CECR2: variants seen among roughly 807,000 people sequenced by gnomAD.
CECR2 encodes chromatin remodeling regulator CECR2.
CECR2 carries 30 observed loss-of-function variants against 154.5 expected under a neutral mutation model. That is an observed-to-expected ratio of 0.19 (90% CI 0.15 to 0.26). The LOEUF (loss-of-function observed/expected upper bound fraction) is 0.26, where lower values mean the gene tolerates loss of function less well. Among genes scored for constraint, CECR2 ranks in the 10% least tolerant of loss-of-function variants. The probability of loss-of-function intolerance (pLI) is 1.00; values close to 1 mark genes in which losing one functional copy is unlikely to be tolerated. For missense variants in CECR2, 1,743 were observed against 1,829.3 expected (o/e 0.95, Z 0.86); for synonymous variants, 725 against 683.7 (o/e 1.06, Z -0.94).
intron 9 of CECR2, among the ~76,000 whole-genome samples, chr22:17,534,242 G>A (rs1227124453): frequency 6.6e-6 from 1 of 152,046 alleles, no homozygotes; most frequent in African/African-American, 2.4e-5. Flanking sequence ...GGGAGGATCC[G>A]TTATGCACAG....
Position 17,477,414 on chromosome 22 carries a change from G to A in CECR2, c.127-174G>A, listed in dbSNP as rs1412037939. Among the ~76,000 whole-genome samples the A allele has an allele frequency of 7.9e-5, 12 of 152,282 alleles. No individual in the cohort carries two copies. The East Asian group carries it at 2.1e-3, about 27-fold the overall frequency. On this transcript the variant is annotated intron_variant, in intron 1 of 18. Transcript: ENST00000262608. ...TAAAACCCTGGGAAAAAGAAAACGCGGAATCCGGTTGCTCTTCTCACAGTA... is the reference window on the plus strand; with the variant it reads ...TAAAACCCTGGGAAAAAGAAAACGCAGAATCCGGTTGCTCTTCTCACAGTA...
intron 3 of CECR2, 43 bp downstream of exon 3, chr22:17,497,629 C>A: frequency 6.3e-7 from 1 of 1,589,106 alleles, no homozygotes; most frequent in Non-Finnish European, 8.6e-7. Flanking sequence ...TGTGAAAAGC[C>A]AGCAATCAGA....
chr22:17,510,936 T>C (rs1341680912), intron 7 of CECR2, among the ~76,000 whole-genome samples: 1 of 152,212 alleles, frequency 6.6e-6, no homozygotes, highest in Non-Finnish European at 1.5e-5. Flanking sequence ...AGTTGCTGAC[T>C]CACTAAATGT....
intron 1 of CECR2, among the ~76,000 whole-genome samples, chr22:17,420,328 C>T (rs79994834): frequency 0.01 from 1,576 of 152,160 alleles, 25 homozygotes; most frequent in African/African-American, 0.036. Context: ...ACGGATTATC[C>T]CCAGACCCTT....
chr22:17,364,065 C>T (rs1248540536), intron 1 of CECR2, among the ~76,000 whole-genome samples: 7 of 151,820 alleles, frequency 4.6e-5, no homozygotes, highest in Admixed American at 1.3e-4. Context: ...GCCATACTCC[C>T]GGGCGCGGTG....
At chr22:17,429,092 C>T (rs1287935012) in intron 1 of CECR2, among the ~76,000 whole-genome samples, 2 of 151,488 alleles carry the variant, frequency 1.3e-5, no homozygotes, top group South Asian at 2.1e-4. Flanking sequence ...TGCATGGAGG[C>T]GTAAAAGAAG....
rs1377180289 is a variant in CECR2, at chr22:17,495,584, C to A, written c.222-1819C>A. Among the ~76,000 whole-genome samples the A allele has an allele frequency of 2.9e-3, 187 of 64,518 alleles. 1 individual carries two copies. In the Middle Eastern group the frequency reaches 0.1, roughly 36 times the overall value. 42.3% of individuals were successfully genotyped at this position (64,518 alleles called of 152,430 possible). On this transcript the variant is annotated intron_variant, in intron 2 of 18. Coordinates refer to ENST00000262608, the MANE Select transcript of CECR2 (RefSeq NM_001290047.2). ...AACTCCATTAAAAAAAAAAAAAAAACGGGTGTGGTGGCTCACGCCTGTAAT... is the reference window on the plus strand; with the variant it reads ...AACTCCATTAAAAAAAAAAAAAAAAAGGGTGTGGTGGCTCACGCCTGTAAT...
At chr22:17,544,356 A>G (rs1310955769) in intron 16 of CECR2, among the ~76,000 whole-genome samples, 1 of 151,672 alleles carries the variant, frequency 6.6e-6, no homozygotes, top group Non-Finnish European at 1.5e-5. Context: ...AAATTAGCCG[A>G]GCGTGGTGGC....
At chr22:17,404,524 C>G (rs987966011) in intron 1 of CECR2, among the ~76,000 whole-genome samples, 1 of 141,000 alleles carries the variant, frequency 7.1e-6, no homozygotes, top group African/African-American at 2.8e-5. Flanking sequence ...CAGGCGCCCG[C>G]CACTACGCCC....
intron 2 of CECR2, among the ~76,000 whole-genome samples, chr22:17,495,749 CT>C (rs1333022847): frequency 1.3e-5 from 2 of 150,352 alleles, no homozygotes; most frequent in Admixed American, 6.7e-5. Flanking sequence ...GTAGTCCCAG[CT>C]ACTCGGGAGG....
Position 17,529,466 on chromosome 22 carries a change from C to T in CECR2, c.1108+5195C>T, listed in dbSNP as rs146745115. ...TTGTAATCCCAGCACTTTGGAAGGC[C>T]GAAGTGGGCGAATCACGAGGTCAGG... On this transcript the variant is annotated intron_variant, in intron 9 of 18. Coordinates refer to ENST00000262608, the MANE Select transcript of CECR2 (RefSeq NM_001290047.2). Among the ~76,000 whole-genome samples the T allele has an allele frequency of 3.9e-5, 6 of 152,212 alleles. No homozygotes were observed. The East Asian group carries it at 1.2e-3, about 29-fold the overall frequency.
intron 1 of CECR2, among the ~76,000 whole-genome samples, chr22:17,460,146 A>G (rs926890133): frequency 1.3e-5 from 2 of 152,114 alleles, no homozygotes; most frequent in African/African-American, 2.4e-5. Flanking sequence ...CCCCTCACCT[A>G]TGACACCTCT....
intron 1 of CECR2, among the ~76,000 whole-genome samples, chr22:17,405,135 C>T (rs1229494927): frequency 6.6e-6 from 1 of 152,176 alleles, no homozygotes; most frequent in Non-Finnish European, 1.5e-5. Flanking sequence ...TTAGGCCAGG[C>T]ATGGTGACTC....
intron 1 of CECR2, among the ~76,000 whole-genome samples, chr22:17,432,682 C>G (rs766733593): frequency 2.6e-5 from 4 of 152,120 alleles, no homozygotes; most frequent in Admixed American, 6.5e-5. Context: ...GTTGCACAGG[C>G]TAGAATGTCA....
intron 8 of CECR2, among the ~76,000 whole-genome samples, chr22:17,522,645 T>A (rs1270921450): frequency 6.6e-6 from 1 of 152,200 alleles, no homozygotes; most frequent in Non-Finnish European, 1.5e-5. Context: ...CATTCCAGAT[T>A]TTTACCTGTA....
intron 17 of CECR2, chr22:17,550,472 G>A (rs2056691502): frequency 6.5e-6 from 1 of 153,494 alleles, no homozygotes; most frequent in Middle Eastern, 5.4e-4. Flanking sequence ...TAGTATTGAA[G>A]TTTTACTACA....
chr22:17,420,011 C>T (rs1380068875), intron 1 of CECR2, among the ~76,000 whole-genome samples: 1 of 152,132 alleles, frequency 6.6e-6, no homozygotes, highest in African/African-American at 2.4e-5. Context: ...TGTAGCCAAG[C>T]AGAGTTGTAG....
At chr22:17,375,742 G>GTCAGGAGT (rs1377616533) in intron 1 of CECR2, among the ~76,000 whole-genome samples, 1 of 152,026 alleles carries the variant, frequency 6.6e-6, no homozygotes, top group African/African-American at 2.4e-5. Context: ...GGATCATGAG[G>GTCAGGAGT]TCAGGAGTTC....
chr22:17,370,224 C>T (rs2063038894), intron 1 of CECR2, among the ~76,000 whole-genome samples: 2 of 147,280 alleles, frequency 1.4e-5, no homozygotes, highest in African/African-American at 5.1e-5. Context: ...GGGACTTCTC[C>T]GGTGGGCTGG....
Sources: allele counts gnomAD v4.1 joint callset (sites outside exome capture counted in the v4.1 genomes callset), GRCh38; gene constraint gnomAD v4.1.1; transcripts MANE v1.5; gene names NCBI Gene and HGNC (gene_info 2026-07-23, HGNC 2026-07-21).